PLEKHM2: variants seen among roughly 807,000 people sequenced by gnomAD.
The protein encoded by PLEKHM2 is pleckstrin homology and RUN domain containing M2, also known as pleckstrin homology domain-containing family M member 2.
A neutral mutation model predicts 116.3 loss-of-function variants in PLEKHM2; 77 were observed. That is an observed-to-expected ratio of 0.66 (90% CI 0.55 to 0.80). The LOEUF (loss-of-function observed/expected upper bound fraction) is 0.80. PLEKHM2 is among the 30% of genes least tolerant of loss of function. The pLI, the probability that PLEKHM2 is intolerant of heterozygous loss-of-function variation, is 0.00. For missense variants in PLEKHM2, 1,183 were observed against 1,354.9 expected (o/e 0.87, Z 1.99); for synonymous variants, 562 against 571.0 (o/e 0.98, Z 0.22).
At position 15,705,512 on chromosome 1, in the gene PLEKHM2, C is replaced by T. The variant is rs577276642; in HGVS notation, c.61-10725C>T. Among the ~76,000 whole-genome samples the T allele has an allele frequency of 9.9e-5, 15 of 152,176 alleles. No homozygotes were observed. The South Asian group carries it at 2.3e-3, about 23-fold the overall frequency. ...ATAGATGTCGGATAGGTGTTCTGAA[C>T]TTATGCCAGAGCTGAACTCCACCTG... On this transcript the variant is annotated intron_variant, in intron 1 of 19. Transcript: ENST00000375799.
At chr1:15,682,648 A>C (rs1296209871), upstream of PLEKHM2, among the ~76,000 whole-genome samples, 1,614 of 75,310 alleles carry the variant, frequency 0.021, 51 homozygotes, top group African/African-American at 0.14. Context: ...CAAAACAAAA[A>C]AAACAAAAAA....
At chr1:15,720,648 G>A (rs980550411) in intron 6 of PLEKHM2, 8 of 205,848 alleles carry the variant, frequency 3.9e-5, no homozygotes, top group Non-Finnish European at 6.8e-5. Flanking sequence ...TCACCTCCAG[G>A]GAAGGGGATC....
chr1:15,693,922 G>A (rs1048953777), intron 1 of PLEKHM2, among the ~76,000 whole-genome samples: 4 of 152,150 alleles, frequency 2.6e-5, no homozygotes, highest in Non-Finnish European at 4.4e-5. Context: ...AGTCTCCAGT[G>A]CCCATCTCAG....
At chr1:15,708,837 G>A (rs1413571230) in intron 1 of PLEKHM2, among the ~76,000 whole-genome samples, 5 of 152,142 alleles carry the variant, frequency 3.3e-5, no homozygotes, top group African/African-American at 4.8e-5. Context: ...ACCTACTTAC[G>A]GGGCTGCGGT....
At chr1:15,684,700 G>A (rs1187535992) in intron 1 of PLEKHM2, 82 bp downstream of exon 1, 3 of 734,432 alleles carry the variant, frequency 4.1e-6, no homozygotes, top group South Asian at 6.4e-5. Context: ...CCGGGCCGGG[G>A]CCCCCCGCCC....
Position 15,729,363 on chromosome 1 carries a change from A to G in PLEKHM2, c.2075+173A>G, listed in dbSNP as rs1208563616. ...CAGAGAGGCAGGCAAGTAGACGACAATCATAGGACTCATGTGGTCAGCCCA... is the reference window on the plus strand; with the variant it reads ...CAGAGAGGCAGGCAAGTAGACGACAGTCATAGGACTCATGTGGTCAGCCCA... On this transcript the variant is annotated intron_variant, in intron 13 of 19. Coordinates refer to ENST00000375799, the MANE Select transcript of PLEKHM2 (RefSeq NM_015164.4). This position sits in a 1 kb window ranked among gnomAD's most constrained non-coding sequence, Gnocchi z 4.7. Among the ~76,000 whole-genome samples the G allele has an allele frequency of 1.3e-5, 2 of 151,956 alleles. No individual in the cohort carries two copies. The highest frequency in any genetic ancestry group is 2.9e-5 in the Non-Finnish European group (2 of 67,988).
chr1:15,693,901 C>T (rs545513902), intron 1 of PLEKHM2, among the ~76,000 whole-genome samples: 61 of 152,246 alleles, frequency 4.0e-4, no homozygotes, highest in South Asian at 1.0e-3. Context: ...CTGGGTCATT[C>T]CTACCTCAGG....
In PLEKHM2 at chr1:15,729,597, C is replaced by T. The variant is rs535545799; in HGVS notation, c.2076-200C>T. ...TCCAAGGCCCCTTGGCCATTGAGAA[C>T]GATCAGGCCTGTTCCAGTTGTCATT... On this transcript the variant is annotated intron_variant, in intron 13 of 19. Transcript: ENST00000375799. The surrounding 1 kb of genome is among the most constrained non-coding windows in gnomAD (Gnocchi z 4.7). 5.3e-5 allele frequency among the ~76,000 whole-genome samples: 8 copies of T among 152,170 alleles called. No homozygotes were observed. Among genetic ancestry groups the T allele is most frequent in the Admixed American group, 1.3e-4 (2 of 15,284 alleles).
At position 15,721,135 on chromosome 1, in the gene PLEKHM2, G is replaced by A; in HGVS notation, c.653-194G>A. On this transcript the variant is annotated intron_variant, in intron 6 of 19. Transcript: ENST00000375799. The surrounding 1 kb of genome is among the most constrained non-coding windows in gnomAD (Gnocchi z 5.1). ...CTTTCCAGCTGGTTGGAGGCTCCTG[G>A]GCCAGCGCCTGAGCTGAGAGGCAGT... is the stretch of plus-strand genomic sequence containing the variant. 1.8e-6 allele frequency: 1 copy of A among 557,632 alleles called. No homozygotes were observed. The highest frequency in any genetic ancestry group is 3.2e-6 in the Non-Finnish European group (1 of 314,484). 34.5% of individuals were successfully genotyped at this position (557,632 alleles called of 1,614,324 possible).
intron 1 of PLEKHM2, among the ~76,000 whole-genome samples, chr1:15,691,581 C>G (rs6679358): frequency 0.13 from 20,335 of 152,122 alleles, 2,260 homozygotes; most frequent in African/African-American, 0.31. Context: ...AGTGCCTCAC[C>G]GGCGTCGGCT....
At chr1:15,717,271 G>A (rs556272589) in intron 3 of PLEKHM2, among the ~76,000 whole-genome samples, 14 of 152,136 alleles carry the variant, frequency 9.2e-5, no homozygotes, top group African/African-American at 2.4e-4. Context: ...GAAAATGGCC[G>A]GGCACAGTGG....
In PLEKHM2 at chr1:15,728,253, G is replaced by T; in HGVS notation, c.1831-14G>T. ...GGAGCCACCTGCCTGACCCTTGTCTGCTTCGGCCCCCAGATGATCCGGATG... is the reference window on the plus strand; with the variant it reads ...GGAGCCACCTGCCTGACCCTTGTCTTCTTCGGCCCCCAGATGATCCGGATG... On this transcript the variant is annotated splice_polypyrimidine_tract_variant and intron_variant, in intron 10 of 19. Coordinates refer to ENST00000375799, the MANE Select transcript of PLEKHM2 (RefSeq NM_015164.4). This position sits in a 1 kb window ranked among gnomAD's most constrained non-coding sequence, Gnocchi z 5.9. 6.2e-7 allele frequency: 1 copy of T among 1,612,780 alleles called. No individual in the cohort carries two copies. The highest frequency in any genetic ancestry group is 8.5e-7 in the Non-Finnish European group (1 of 1,179,492).
rs1571064060 is a variant in PLEKHM2, at chr1:15,725,817, C to T, written c.941+272C>T. 6.0e-6 allele frequency: 3 copies of T among 497,980 alleles called. No homozygotes were observed. In the East Asian group the frequency reaches 1.0e-4, roughly 17 times the overall value. 30.8% of individuals were successfully genotyped at this position (497,980 alleles called of 1,614,324 possible). Reference sequence around the variant, plus strand: ...AGCTCTGGAGCCTACAGTCCGAGGTCAGGGTGCCGGTGTGGCCAGCCTCTG... The same window carrying T: ...AGCTCTGGAGCCTACAGTCCGAGGTTAGGGTGCCGGTGTGGCCAGCCTCTG... On this transcript the variant is annotated intron_variant, in intron 8 of 19. Transcript: ENST00000375799.
chr1:15,711,557 C>T (rs991357305), intron 1 of PLEKHM2, among the ~76,000 whole-genome samples: 1 of 150,250 alleles, frequency 6.7e-6, no homozygotes, highest in Non-Finnish European at 1.5e-5. Context: ...ACACAGGCTA[C>T]AGTGAGCCGA....
intron 14 of PLEKHM2, 123 bp downstream of exon 14, chr1:15,730,052 G>C (rs1243525861): frequency 3.0e-6 from 1 of 329,712 alleles, no homozygotes. Flanking sequence ...TACCTGGGCG[G>C]GGCGGGGCGG....
chr1:15,730,881 G>T (rs2068133539), intron 15 of PLEKHM2, among the ~76,000 whole-genome samples, 159 bp downstream of exon 15: 1 of 152,200 alleles, frequency 6.6e-6, no homozygotes, highest in South Asian at 2.1e-4. Flanking sequence ...CTTAGCTCAG[G>T]CTGTTAGAGC....
intron 1 of PLEKHM2, 93 bp from the exon 2 acceptor site, chr1:15,716,144 A>C: frequency 1.3e-6 from 1 of 760,974 alleles, no homozygotes; most frequent in Non-Finnish European, 2.2e-6. Flanking sequence ...ACACCATTTG[A>C]CTAATTTTTT....
intron 1 of PLEKHM2, among the ~76,000 whole-genome samples, chr1:15,699,343 G>A (rs1276898767): frequency 6.6e-6 from 1 of 151,870 alleles, no homozygotes; most frequent in Non-Finnish European, 1.5e-5. Context: ...GCCTCCCCCT[G>A]CCCCCCACCT....
In PLEKHM2 at chr1:15,730,453, A is replaced by AG; in HGVS notation, c.2209-79_2209-78insG. The AG allele has an allele frequency of 1.3e-5, 16 of 1,240,886 alleles. 1 individual carries two copies. The highest frequency in any genetic ancestry group is 1.5e-5 in the Non-Finnish European group (14 of 917,554). 76.9% of individuals were successfully genotyped at this position (1,240,886 alleles called of 1,614,324 possible). ...CGAGACTCCATCTCAAAAAGAAAAA[A>AG]AAAGAACCAGTCCGGGCTCAGCCAC... On this transcript the variant is annotated intron_variant, in intron 14 of 19. Coordinates refer to ENST00000375799, the MANE Select transcript of PLEKHM2 (RefSeq NM_015164.4).
Sources: gnomAD v4.1 joint callset for allele counts (sites outside exome capture counted in the v4.1 genomes callset) on GRCh38, gnomAD v4.1.1 for gene constraint, Gnocchi (gnomAD v3.1) non-coding constraint, MANE v1.5 for transcripts, NCBI Gene and HGNC (gene_info 2026-07-23, HGNC 2026-07-21) for gene names.